Variants in TM9SF2 observed in about 807,000 individuals in gnomAD.
TM9SF2 encodes transmembrane 9 superfamily member 2, also known as 76 kDa membrane protein.
TM9SF2 carries 13 observed loss-of-function variants against 84.9 expected under a neutral mutation model. The ratio of observed to expected loss-of-function variants is 0.15; its 90% confidence interval spans 0.10 to 0.24. TM9SF2 has a LOEUF of 0.24. TM9SF2 is among the 10% of genes least tolerant of loss of function. TM9SF2 has a pLI of 1.00. For missense variants in TM9SF2, 562 were observed against 818.5 expected (o/e 0.69, Z 3.82); for synonymous variants, 273 against 285.8 (o/e 0.96, Z 0.45).
rs2046307477 is a variant in TM9SF2 at position 99,552,055 on chromosome 13, C to T, written c.1329-112C>T. On this transcript the variant is annotated intron_variant, in intron 12 of 16. Transcript: ENST00000376387. ...TCAGACATCCTGTGATGCAGCAATT[C>T]CACTTTCTTTGTATATATATATTAG... 54 of 1,026,716 alleles carry T rather than the reference C, an allele frequency of 5.3e-5. No homozygotes were observed. In the South Asian group the frequency reaches 1.0e-3, roughly 19 times the overall value. The allele number at this position is 1,026,716 out of a possible 1,614,324, so 63.6% of individuals were successfully genotyped here. A position where few individuals can be genotyped will look rare whatever the true frequency, so the allele number is the denominator to read the frequency against.
chr13:99,554,496 T>C, intron 14 of TM9SF2, 41 bp downstream of exon 14: 4 of 1,582,422 alleles, frequency 2.5e-6, no homozygotes, highest in Non-Finnish European at 3.4e-6. Context: ...ATTACCATTA[T>C]ATGTAATATT....
intron 3 of TM9SF2, among the ~76,000 whole-genome samples, chr13:99,524,219 G>A (rs193100800): frequency 9.9e-5 from 15 of 152,270 alleles, no homozygotes; most frequent in Admixed American, 4.6e-4. Flanking sequence ...AATGGACCGT[G>A]GGGGTGCGAG....
chr13:99,543,845 A>G lies in TM9SF2; in HGVS notation c.1018-18A>G. The G allele has an allele frequency of 6.2e-7, 1 of 1,613,258 alleles. No homozygotes were observed. Among genetic ancestry groups the G allele is most frequent in the South Asian group, 1.1e-5 (1 of 91,024 alleles). ...TTGATACCATGAGACAATCGAACTGATTTCATTCCCCTTTTAGGAAGATGC... is the reference window on the plus strand; with the variant it reads ...TTGATACCATGAGACAATCGAACTGGTTTCATTCCCCTTTTAGGAAGATGC... On this transcript the variant is annotated intron_variant, in intron 9 of 16. Coordinates refer to ENST00000376387, the MANE Select transcript of TM9SF2 (RefSeq NM_004800.3).
intron 6 of TM9SF2, 125 bp from the exon 7 acceptor site, chr13:99,539,321 G>T: frequency 1.5e-6 from 1 of 663,778 alleles, no homozygotes; most frequent in Non-Finnish European, 2.7e-6. Flanking sequence ...ATGCTATTAA[G>T]TGTGACATGA....
chr13:99,560,831 G>A (rs1056709421), intron 16 of TM9SF2, among the ~76,000 whole-genome samples: 17 of 152,142 alleles, frequency 1.1e-4, no homozygotes, highest in South Asian at 8.3e-4. Context: ...ACAGGCGCCC[G>A]CCACTGCGCC....
intron 15 of TM9SF2, among the ~76,000 whole-genome samples, chr13:99,555,954 A>G (rs2046323199): frequency 2.0e-5 from 3 of 152,158 alleles, no homozygotes; most frequent in African/African-American, 7.2e-5. Context: ...AAATATTTAT[A>G]TCATGCCTGA....
intron 6 of TM9SF2, among the ~76,000 whole-genome samples, 157 bp downstream of exon 6, chr13:99,538,020 C>T (rs1368293241): frequency 6.6e-6 from 1 of 152,096 alleles, no homozygotes; most frequent in Non-Finnish European, 1.5e-5. Context: ...ATGGGTTGTC[C>T]AGAAAACCAT....
chr13:99,537,682 G>T (rs940243327), intron 5 of TM9SF2, 57 bp from the exon 6 acceptor site: 5 of 1,438,910 alleles, frequency 3.5e-6, no homozygotes, highest in Admixed American at 2.5e-5. Context: ...AAAGTTTTAA[G>T]TTTTGACTCT....
At chr13:99,554,889 G>A (rs1024955409) in intron 14 of TM9SF2, among the ~76,000 whole-genome samples, 12 of 152,154 alleles carry the variant, frequency 7.9e-5, no homozygotes, top group African/African-American at 2.7e-4. Context: ...GGAGGGGATT[G>A]GTGAAGGGAT....
chr13:99,549,354 G>A, intron 12 of TM9SF2, 132 bp downstream of exon 12: 1 of 653,548 alleles, frequency 1.5e-6, no homozygotes, highest in Non-Finnish European at 2.6e-6. Context: ...TTTTTGAAAA[G>A]GGGTAAAATA....
intron 3 of TM9SF2, among the ~76,000 whole-genome samples, chr13:99,521,211 G>T (rs908177310): frequency 1.3e-5 from 2 of 152,148 alleles, no homozygotes; most frequent in African/African-American, 2.4e-5. Flanking sequence ...TTCACAGTTT[G>T]TTATTAAAAT....
chr13:99,532,519 A>G (rs1213098001), intron 4 of TM9SF2, among the ~76,000 whole-genome samples: 1 of 151,890 alleles, frequency 6.6e-6, no homozygotes, highest in African/African-American at 2.4e-5. Context: ...GCGAAACCCC[A>G]TCTCTACTAA....
In TM9SF2 at chr13:99,558,117, A is replaced by G. The variant is rs533326545; in HGVS notation, c.1753-1246A>G. Among the ~76,000 whole-genome samples the G allele has an allele frequency of 1.4e-4, 22 of 152,344 alleles. No homozygotes were observed. The East Asian group carries it at 3.9e-3, about 27-fold the overall frequency. Reference sequence around the variant, plus strand: ...TTAATGGTCTTGGCAATCTTGTCAAAAATCAATTGACCATAGATGTATGGG... The same window carrying G: ...TTAATGGTCTTGGCAATCTTGTCAAGAATCAATTGACCATAGATGTATGGG... On this transcript the variant is annotated intron_variant, in intron 15 of 16. Transcript: ENST00000376387.
chr13:99,515,733 G>A (rs2046131014), intron 1 of TM9SF2, among the ~76,000 whole-genome samples: 1 of 104,732 alleles, frequency 9.5e-6, no homozygotes, highest in Non-Finnish European at 2.3e-5. Context: ...GAGAAATACT[G>A]GTTTTTTTTT....
intron 7 of TM9SF2, 158 bp from the exon 8 acceptor site, chr13:99,540,556 T>G: frequency 2.6e-6 from 1 of 383,858 alleles, no homozygotes; most frequent in Non-Finnish European, 4.7e-6. Flanking sequence ...CTTTAGTAAA[T>G]CTGAAACTCT....
intron 3 of TM9SF2, among the ~76,000 whole-genome samples, chr13:99,528,285 C>T (rs1376528500): frequency 6.6e-6 from 1 of 152,204 alleles, no homozygotes; most frequent in Non-Finnish European, 1.5e-5. Flanking sequence ...TGGCTCAGAT[C>T]CTGGCTATGC....
intron 3 of TM9SF2, among the ~76,000 whole-genome samples, chr13:99,527,169 A>C (rs2046187218): frequency 2.0e-5 from 3 of 152,168 alleles, no homozygotes; most frequent in Admixed American, 6.5e-5. Flanking sequence ...GATGACATGG[A>C]AATCCTGGAC....
chr13:99,540,915 C>A, intron 8 of TM9SF2, 122 bp downstream of exon 8: 1 of 853,878 alleles, frequency 1.2e-6, no homozygotes, highest in South Asian at 1.8e-5. Flanking sequence ...GGTTCAAATC[C>A]TGGCTTTCAG....
chr13:99,518,192 A>G (rs370673170), intron 2 of TM9SF2, among the ~76,000 whole-genome samples: 2 of 152,268 alleles, frequency 1.3e-5, no homozygotes, highest in East Asian at 3.9e-4. Flanking sequence ...GCTTGCTGCA[A>G]CCTCTGCCTC....
Sources: allele counts gnomAD v4.1 joint callset (sites outside exome capture counted in the v4.1 genomes callset), GRCh38; gene constraint gnomAD v4.1.1; transcripts MANE v1.5; gene names NCBI Gene and HGNC (gene_info 2026-07-23, HGNC 2026-07-21).